PCDH15: variants seen among roughly 807,000 people sequenced by gnomAD.
PCDH15 encodes protocadherin-15.
Under a neutral mutation model 178.5 loss-of-function variants are expected in PCDH15, and 129 were observed. The ratio of observed to expected loss-of-function variants is 0.72; its 90% confidence interval spans 0.63 to 0.84. The LOEUF (loss-of-function observed/expected upper bound fraction) is 0.84, where lower values mean the gene tolerates loss of function less well. Among genes scored for constraint, PCDH15 ranks in the 40% least tolerant of loss-of-function variants. The pLI is 0.00. For synonymous variants in PCDH15, 800 were observed against 732.0 expected (o/e 1.09, Z -1.50); for missense variants, 2,230 against 2,099.9 (o/e 1.06, Z -1.21).
At chr10:55,238,723 AT>A (rs1267815792) in intron 1 of PCDH15, among the ~76,000 whole-genome samples, 1 of 151,808 alleles carries the variant, frequency 6.6e-6, no homozygotes, top group Non-Finnish European at 1.5e-5. Context: ...ATTTATATAT[AT>A]TTTTAATTTT....
chr10:55,023,035 A>G (rs1469919523), intron 2 of PCDH15, among the ~76,000 whole-genome samples: 2 of 145,398 alleles, frequency 1.4e-5, no homozygotes, highest in African/African-American at 2.6e-5. Context: ...TCCGCCTCCC[A>G]AATTCACGCC....
In PCDH15 at chr10:53,940,959, C is replaced by G. The variant is rs752669772; in HGVS notation, c.3139G>C (p.Glu1047Gln). 3 of 1,612,360 alleles carry G rather than the reference C, an allele frequency of 1.9e-6. No individual in the cohort carries two copies. The highest frequency in any genetic ancestry group is 2.5e-6 in the Non-Finnish European group (3 of 1,178,508). The change falls in exon 24 of 38, where the codon GAA becomes CAA. Residue 1047 changes from glutamate (E) to glutamine (Q), a missense_variant. By Grantham distance (29) the Glu-to-Gln change is conservative (BLOSUM62 2). Transcript: ENST00000644397. ...QEEYRPPPVS[E>Q]LATKGTMVGV... ...ACCATGGTCCCTTTGGTGGCAAGTT[C>G]ACTTACTGGAGGAGGTCTGCAGGTT... is the stretch of plus-strand genomic sequence containing the variant.
intron 3 of PCDH15, among the ~76,000 whole-genome samples, chr10:54,465,540 T>G (rs7911134): frequency 0.49 from 74,013 of 151,778 alleles, 19,136 homozygotes; most frequent in African/African-American, 0.63. Flanking sequence ...ATGACCTCCA[T>G]TTTACCCCAT....
intron 3 of PCDH15, among the ~76,000 whole-genome samples, chr10:54,482,945 A>G (rs1346283049): frequency 1.3e-5 from 2 of 151,836 alleles, no homozygotes; most frequent in Admixed American, 6.6e-5. Context: ...AGGTACCAGA[A>G]TCTAAACAAT....
At chr10:53,939,630 T>G (rs2085877665) in intron 24 of PCDH15, among the ~76,000 whole-genome samples, 1 of 152,114 alleles carries the variant, frequency 6.6e-6, no homozygotes, top group Non-Finnish European at 1.5e-5. Flanking sequence ...ATAATTTTTA[T>G]TATTAATCTC....
chr10:55,210,209 C>T (rs1349735681), intron 1 of PCDH15, among the ~76,000 whole-genome samples: 2 of 151,876 alleles, frequency 1.3e-5, no homozygotes, highest in African/African-American at 2.4e-5. Context: ...AGTGTTACAG[C>T]AGATGATGCC....
At chr10:55,328,051 G>T (rs1340759476) in intron 2 of PCDH15, among the ~76,000 whole-genome samples, 1 of 151,824 alleles carries the variant, frequency 6.6e-6, no homozygotes, top group African/African-American at 2.4e-5. Flanking sequence ...TACATTGCTT[G>T]GGGAAAGTGA....
chr10:54,364,087 C>A (rs1483577517), intron 5 of PCDH15, among the ~76,000 whole-genome samples: 1 of 151,908 alleles, frequency 6.6e-6, no homozygotes, highest in East Asian at 1.9e-4. Flanking sequence ...TGGCGCATGC[C>A]TGTAATTCCA....
chr10:55,483,982 G>C (rs1223522568), intron 2 of PCDH15, among the ~76,000 whole-genome samples: 1 of 151,780 alleles, frequency 6.6e-6, no homozygotes, highest in African/African-American at 2.4e-5. Context: ...AAAAATGAAT[G>C]ACATCGTGTC....
At chr10:53,829,844 G>A (rs12253896) in intron 30 of PCDH15, among the ~76,000 whole-genome samples, 57,879 of 151,606 alleles carry the variant, frequency 0.38, 11,633 homozygotes, top group East Asian at 0.75. Flanking sequence ...CTACTTCTGT[G>A]TAACGAATTC....
intron 2 of PCDH15, among the ~76,000 whole-genome samples, chr10:55,625,520 G>A (rs1404587252): frequency 6.6e-6 from 1 of 152,142 alleles, no homozygotes; most frequent in Non-Finnish European, 1.5e-5. Context: ...AGTATCTTGT[G>A]TGTTAGGAGT....
At chr10:54,044,978 A>G (rs10400183) in intron 18 of PCDH15, among the ~76,000 whole-genome samples, 8,886 of 152,164 alleles carry the variant, frequency 0.058, 834 homozygotes, top group African/African-American at 0.2. Context: ...AGTTAGGTGC[A>G]ATCATATGCA....
intron 8 of PCDH15, among the ~76,000 whole-genome samples, chr10:54,277,236 G>A (rs1323309393): frequency 6.6e-6 from 1 of 151,546 alleles, no homozygotes. Context: ...CATTGTTACA[G>A]GATAACCTAG....
At chr10:55,071,219 T>A (rs1181570891) in intron 2 of PCDH15, among the ~76,000 whole-genome samples, 1 of 152,148 alleles carries the variant, frequency 6.6e-6, no homozygotes, top group Non-Finnish European at 1.5e-5. Flanking sequence ...GCTAACATCA[T>A]AATTACAGGA....
chr10:54,595,067 G>A (rs997864065), intron 2 of PCDH15, among the ~76,000 whole-genome samples: 13 of 152,184 alleles, frequency 8.5e-5, no homozygotes, highest in Admixed American at 3.9e-4. Context: ...AAACCATACC[G>A]CCACAGCCAC....
intron 2 of PCDH15, among the ~76,000 whole-genome samples, chr10:55,626,461 G>T (rs1467019396): frequency 6.6e-6 from 1 of 152,148 alleles, no homozygotes; most frequent in Non-Finnish European, 1.5e-5. Flanking sequence ...AGTATTTCAA[G>T]ATCTGAATAC....
chr10:54,311,750 T>C (rs1443165431), intron 8 of PCDH15, among the ~76,000 whole-genome samples: 1 of 152,042 alleles, frequency 6.6e-6, no homozygotes, highest in East Asian at 1.9e-4. Flanking sequence ...TGTGAAAACA[T>C]TAATTTGCCA....
chr10:54,415,411 T>A, intron 3 of PCDH15, among the ~76,000 whole-genome samples: 1 of 150,222 alleles, frequency 6.7e-6, no homozygotes, highest in African/African-American at 2.4e-5. Flanking sequence ...GAGAAGGAGG[T>A]AATAAAAAGA....
chr10:55,340,562 G>A (rs897169748), intron 2 of PCDH15, among the ~76,000 whole-genome samples: 1 of 151,538 alleles, frequency 6.6e-6, no homozygotes, highest in African/African-American at 2.4e-5. Flanking sequence ...TTTTAATTAT[G>A]GAAATCAGCA....
Sources: gnomAD v4.1 joint callset for allele counts (sites outside exome capture counted in the v4.1 genomes callset) on GRCh38, gnomAD v4.1.1 for gene constraint, MANE v1.5 for transcripts, NCBI Gene and HGNC (gene_info 2026-07-23, HGNC 2026-07-21) for gene names.